GINS4: variants seen among roughly 807,000 people sequenced by gnomAD.
The protein encoded by GINS4 is DNA replication complex GINS protein SLD5.
Under a neutral mutation model 31.1 loss-of-function variants are expected in GINS4, and 20 were observed. The ratio of observed to expected loss-of-function variants is 0.64; its 90% CI spans 0.45 to 0.93. GINS4 has a LOEUF of 0.93. Among genes scored for constraint, GINS4 ranks in the 40% least tolerant of loss-of-function variants. The pLI, the probability that GINS4 is intolerant of heterozygous loss-of-function variation, is 0.00. For missense variants in GINS4, 245 were observed against 273.9 expected (o/e 0.89, Z 0.75); for synonymous variants, 85 against 97.9 (o/e 0.87, Z 0.78).
intron 2 of GINS4, among the ~76,000 whole-genome samples, chr8:41,534,636 G>T (rs1215479815): frequency 6.6e-6 from 1 of 152,122 alleles, no homozygotes; most frequent in Non-Finnish European, 1.5e-5. Context: ...AGGTTGAGAG[G>T]TGTTCTACAG....
At chr8:41,541,014 A>G (rs1176829339) in intron 6 of GINS4, among the ~76,000 whole-genome samples, 2 of 151,970 alleles carry the variant, frequency 1.3e-5, no homozygotes, top group Non-Finnish European at 2.9e-5. Context: ...CACTAATCCT[A>G]GTCTCTGTGT....
rs995779354 is a variant in GINS4, at chr8:41,541,964, A to G, written c.576-27A>G. On this transcript the variant is annotated intron_variant, in intron 7 of 7. Coordinates refer to ENST00000276533, the MANE Select transcript of GINS4 (RefSeq NM_032336.3). ...CGATGGAGGGCCAGCCGAGCTCTGC[A>G]GGCAAATGTGTTTCCCTCTTTTTCA... is the stretch of plus-strand genomic sequence containing the variant. 7 of 1,609,860 alleles carry G rather than the reference A, an allele frequency of 4.3e-6. No individual in the cohort carries two copies. The African/African-American group carries it at 8.0e-5, about 18-fold the overall frequency.
intron 2 of GINS4, 131 bp downstream of exon 2, chr8:41,530,429 T>C (rs750094677): frequency 1.6e-6 from 1 of 634,202 alleles, no homozygotes; most frequent in Non-Finnish European, 2.7e-6. Context: ...GATCTTACCA[T>C]CTACATGGAA....
rs989681676 is a variant in GINS4 at position 41,542,184 on chromosome 8, C to A, written c.*97C>A. On this transcript the variant is annotated 3_prime_UTR_variant, in exon 8 of 8. Transcript: ENST00000276533. ...GGATCATGAGGTCAGGAGTTCGAGA[C>A]CAACCGACCAACATGGTGAAACCCC... 4 of 819,872 alleles carry A rather than the reference C, an allele frequency of 4.9e-6. No individual in the cohort carries two copies. The highest frequency in any genetic ancestry group is 8.5e-6 in the Non-Finnish European group (4 of 468,922). 50.8% of individuals were successfully genotyped at this position (819,872 alleles called of 1,614,324 possible).
intron 2 of GINS4, among the ~76,000 whole-genome samples, chr8:41,532,476 A>G (rs1032259851): frequency 6.6e-6 from 1 of 152,178 alleles, no homozygotes; most frequent in Admixed American, 6.5e-5. Context: ...GGTTCATTTG[A>G]ACCCAGGAGT....
chr8:41,535,750 G>C (rs1806731136), intron 2 of GINS4, among the ~76,000 whole-genome samples: 1 of 152,168 alleles, frequency 6.6e-6, no homozygotes, highest in Non-Finnish European at 1.5e-5. Context: ...CTGGGCCTGA[G>C]TCATAAATTA....
At position 41,539,907 on chromosome 8, in the gene GINS4, G is replaced by A; in HGVS notation, c.396-9G>A. ...GTACACCACAGCGATTTGAATCCAT[G>A]TCTTTCAGGTTCATGGCGAACACAG... On this transcript the variant is annotated splice_polypyrimidine_tract_variant and intron_variant, in intron 5 of 7. Transcript: ENST00000276533. The A allele has an allele frequency of 1.2e-6, 2 of 1,613,510 alleles. No homozygotes were observed. The highest frequency in any genetic ancestry group is 8.5e-7 in the Non-Finnish European group (1 of 1,179,418).
chr8:41,530,547 C>G (rs1806634179), intron 2 of GINS4, among the ~76,000 whole-genome samples: 1 of 152,172 alleles, frequency 6.6e-6, no homozygotes, highest in Non-Finnish European at 1.5e-5. Context: ...GTGAACAGTT[C>G]ACAGAGCAAG....
intron 2 of GINS4, 27 bp downstream of exon 2, chr8:41,530,325 G>A (rs775944578): frequency 3.3e-6 from 5 of 1,508,044 alleles, no homozygotes; most frequent in Non-Finnish European, 4.6e-6. Context: ...GAATCCCTTT[G>A]CTCCAGTCAG....
chr8:41,530,930 C>T (rs1197546903), intron 2 of GINS4, among the ~76,000 whole-genome samples: 2 of 152,200 alleles, frequency 1.3e-5, no homozygotes, highest in African/African-American at 4.8e-5. Context: ...GTTATGTGAT[C>T]TTGAGCAAGT....
intron 2 of GINS4, 66 bp downstream of exon 2, chr8:41,530,364 C>T: frequency 8.8e-7 from 1 of 1,137,362 alleles, no homozygotes; most frequent in African/African-American, 1.6e-5. Context: ...CTGTGAATAT[C>T]AGGGATCACA....
chr8:41,542,138 C>A lies in GINS4; in HGVS notation c.*51C>A. On this transcript the variant is annotated 3_prime_UTR_variant, in exon 8 of 8. Transcript: ENST00000276533. ...GTGACTCAAGCCTGTAATCCCAGCA[C>A]TTTGGGAGGCCGAGGCGGGCGGATC... 1 of 1,407,148 alleles carries A rather than the reference C, an allele frequency of 7.1e-7. No homozygotes were observed. 87.2% of individuals were successfully genotyped at this position (1,407,148 alleles called of 1,614,324 possible).
In GINS4 at chr8:41,534,201, G is replaced by A. The variant is rs148827553; in HGVS notation, c.97-2159G>A. Reference sequence around the variant, plus strand: ...GGGGATGTCATGAGGCCAGGATTTCGAAGACCACTGTAGGCAACATGGTAA... The same window carrying A: ...GGGGATGTCATGAGGCCAGGATTTCAAAGACCACTGTAGGCAACATGGTAA... On this transcript the variant is annotated intron_variant, in intron 2 of 7. Transcript: ENST00000276533. The A allele has an allele frequency of 1.8e-3, 652 of 360,210 alleles. 3 individuals carry two copies. The highest frequency in any genetic ancestry group is 2.6e-3 in the Non-Finnish European group (470 of 178,692). The allele number at this position is 360,210 out of a possible 1,614,324, so 22.3% of individuals were successfully genotyped here. A position where few individuals can be genotyped will look rare whatever the true frequency, so the allele number is the denominator to read the frequency against.
At position 41,544,069 on chromosome 8, in the gene GINS4, TG is replaced by T. The variant is rs1806892289; in HGVS notation, c.*1984del. 6.6e-6 allele frequency: 1 copy of T among 152,240 alleles called. No homozygotes were observed. The allele number at this position is 152,240 out of a possible 1,614,324, so 9.4% of individuals were successfully genotyped here. On this transcript the variant is annotated 3_prime_UTR_variant, in exon 8 of 8. Transcript: ENST00000276533. ...TCGTGCAGTCCCTGGAGGGTCTCAC[TG>T]GAGAGACAACATTTAGGCTGAGATC...
Position 41,536,298 on chromosome 8 carries a change from C to G in GINS4, c.97-62C>G, listed in dbSNP as rs564233692. Reference sequence around the variant, plus strand: ...CTGGTTTTCGTTGGACTTGGGCTGACTCACTGGGTTGTTTAGCTCTGTGGT... The same window carrying G: ...CTGGTTTTCGTTGGACTTGGGCTGAGTCACTGGGTTGTTTAGCTCTGTGGT... On this transcript the variant is annotated intron_variant, in intron 2 of 7. Coordinates refer to ENST00000276533, the MANE Select transcript of GINS4 (RefSeq NM_032336.3). The G allele has an allele frequency of 4.1e-6, 4 of 985,304 alleles. No individual in the cohort carries two copies. In the South Asian group the frequency reaches 5.1e-5, roughly 13 times the overall value. The allele number at this position is 985,304 out of a possible 1,614,324, so 61.0% of individuals were successfully genotyped here.
Position 41,543,025 on chromosome 8 carries a change from C to G in GINS4, c.*938C>G. The G allele has an allele frequency of 6.6e-6, 1 of 152,208 alleles. No individual in the cohort carries two copies. Among genetic ancestry groups the G allele is most frequent in the East Asian group, 1.9e-4 (1 of 5,192 alleles). 9.4% of individuals were successfully genotyped at this position (152,208 alleles called of 1,614,324 possible). On this transcript the variant is annotated 3_prime_UTR_variant, in exon 8 of 8. Transcript: ENST00000276533. ...TGCCTGTGATCGGGGCTGCATTTAG[C>G]CCTGACCTGATAATGGTAGGAGAGT...
At chr8:41,529,603 TC>T (rs1408121449) in intron 1 of GINS4, 3 of 152,332 alleles carry the variant, frequency 2.0e-5, no homozygotes, top group African/African-American at 7.2e-5. Flanking sequence ...TGATTAATCT[TC>T]CTAACAATTT....
intron 3 of GINS4, 113 bp from the exon 4 acceptor site, chr8:41,537,067 T>G: frequency 3.1e-6 from 2 of 649,430 alleles, no homozygotes; most frequent in South Asian, 1.8e-5. Flanking sequence ...AAATGAAAAC[T>G]CACATGATAT....
chr8:41,531,661 C>T (rs1003166577), intron 2 of GINS4, among the ~76,000 whole-genome samples: 2 of 152,190 alleles, frequency 1.3e-5, no homozygotes, highest in Non-Finnish European at 2.9e-5. Flanking sequence ...CACAATAACG[C>T]ACACATGCAC....
Sources: gnomAD v4.1 joint callset for allele counts (sites outside exome capture counted in the v4.1 genomes callset) on GRCh38, gnomAD v4.1.1 for gene constraint, MANE v1.5 for transcripts, NCBI Gene and HGNC (gene_info 2026-07-23, HGNC 2026-07-21) for gene names.